UPP1: variants seen among roughly 807,000 people sequenced by gnomAD.
UPP1 encodes the protein UPase 1.
Under a neutral mutation model 29.6 loss-of-function variants are expected in UPP1, and 25 were observed. The observed-to-expected ratio is 0.85, with a 90% confidence interval of 0.62 to 1.18. UPP1 has a LOEUF of 1.18. Among genes scored for constraint, UPP1 ranks in the 50% most tolerant of loss-of-function variants. UPP1 has a pLI of 0.00. For missense variants in UPP1, 368 were observed against 410.4 expected (o/e 0.90, Z 0.89); for synonymous variants, 165 against 159.8 (o/e 1.03, Z -0.25).
chr7:48,094,953 T>C (rs1792047856), intron 3 of UPP1, 126 bp downstream of exon 3: 1 of 1,189,852 alleles, frequency 8.4e-7, no homozygotes, highest in South Asian at 1.4e-5. Flanking sequence ...TGAAAGAGAC[T>C]GAGGCCTGGA....
intron 3 of UPP1, among the ~76,000 whole-genome samples, chr7:48,095,311 T>C (rs1792070186): frequency 6.6e-6 from 1 of 152,174 alleles, no homozygotes; most frequent in Non-Finnish European, 1.5e-5. Context: ...TTTAATCCGC[T>C]GATTATTCTT....
intron 3 of UPP1, among the ~76,000 whole-genome samples, chr7:48,098,132 C>A (rs963453213): frequency 6.6e-6 from 1 of 152,164 alleles, no homozygotes; most frequent in Non-Finnish European, 1.5e-5. Flanking sequence ...AGCCCCCTGT[C>A]CCCTTATACA....
At position 48,103,854 on chromosome 7, in the gene UPP1, TC is replaced by T. The variant is rs956782150; in HGVS notation, c.436+444del. ...GGAAGAGAGAGGCGCAGTACAAAAC[TC>T]AGATAAGTGTCCTTAAATTAGCTTA... is the stretch of plus-strand genomic sequence containing the variant. On this transcript the variant is annotated intron_variant, in intron 6 of 8. Coordinates refer to ENST00000395564, the MANE Select transcript of UPP1 (RefSeq NM_003364.4). 5 of 1,289,336 alleles carry T rather than the reference TC, an allele frequency of 3.9e-6. No individual in the cohort carries two copies. The African/African-American group carries it at 6.1e-5, about 16-fold the overall frequency. 79.9% of individuals were successfully genotyped at this position (1,289,336 alleles called of 1,614,324 possible).
chr7:48,097,426 G>A (rs1013288638), intron 3 of UPP1, among the ~76,000 whole-genome samples: 1 of 151,956 alleles, frequency 6.6e-6, no homozygotes, highest in African/African-American at 2.4e-5. Flanking sequence ...TAGAGTCAGG[G>A]TTTCACCATG....
Position 48,099,727 on chromosome 7 carries a change from C to T in UPP1, c.102C>T (p.Leu34=), listed in dbSNP as rs767849996. 2 of 1,614,010 alleles carry T rather than the reference C, an allele frequency of 1.2e-6. No homozygotes were observed. Among genetic ancestry groups the T allele is most frequent in the Non-Finnish European group, 1.7e-6 (2 of 1,179,880 alleles). Residue 34 remains leucine (L), a synonymous_variant, in exon 4 of 9, where the codon CTC becomes CTT. Transcript: ENST00000395564. The part of the protein sequence containing the change: ...PNIAKMKEDI[L]YHFNLTTSRH... Reference sequence around the variant, plus strand: ...TAGCAAAAATGAAAGAAGATATTCTCTATCATTTCAATCTCACCACTAGCA... The same window carrying T: ...TAGCAAAAATGAAAGAAGATATTCTTTATCATTTCAATCTCACCACTAGCA...
intron 6 of UPP1, chr7:48,104,871 T>G (rs1792643297): frequency 1.3e-5 from 2 of 152,244 alleles, no homozygotes. Flanking sequence ...GAGTGATTTT[T>G]AAAACAATGA....
At chr7:48,106,756 G>A (rs1432556160) in intron 6 of UPP1, 117 bp from the exon 7 acceptor site, 2 of 873,066 alleles carry the variant, frequency 2.3e-6, no homozygotes, top group Non-Finnish European at 3.6e-6. Context: ...GTGTTTGGAT[G>A]TGTGGGTGGA....
chr7:48,094,096 G>A (rs1447000492), intron 2 of UPP1, among the ~76,000 whole-genome samples: 1 of 152,098 alleles, frequency 6.6e-6, no homozygotes, highest in Non-Finnish European at 1.5e-5. Context: ...GGAGGCGGAG[G>A]TTGCAGTGAG....
chr7:48,101,766 C>G (rs1172201097), intron 4 of UPP1, 58 bp from the exon 5 acceptor site: 2 of 1,560,490 alleles, frequency 1.3e-6, no homozygotes, highest in Non-Finnish European at 8.7e-7. Context: ...AGGGGCCCCA[C>G]TTGAGGACCT....
chr7:48,090,556 T>A (rs1195524351), intron 2 of UPP1, among the ~76,000 whole-genome samples, 192 bp downstream of exon 2: 2 of 152,112 alleles, frequency 1.3e-5, no homozygotes, highest in Admixed American at 1.3e-4. Flanking sequence ...CTTCCTGGGG[T>A]CTTCTGGTTA....
intron 8 of UPP1, 82 bp downstream of exon 8, chr7:48,107,589 C>A: frequency 4.1e-6 from 6 of 1,471,822 alleles, no homozygotes; most frequent in Non-Finnish European, 5.5e-6. Flanking sequence ...GGCCCCTCCT[C>A]CTGGGGCACC....
rs1411079906 is a variant in UPP1, at chr7:48,107,512, G to A, written c.793+5G>A. On this transcript the variant is annotated splice_donor_5th_base_variant and intron_variant, in intron 8 of 8. Transcript: ENST00000395564. ...GCAGCGCCTGCGGCCTCCAAGGTAA[G>A]CGGCACTTGATGGGCCTCGGCGTCC... 7 of 1,602,250 alleles carry A rather than the reference G, an allele frequency of 4.4e-6. No homozygotes were observed. The highest frequency in any genetic ancestry group is 3.4e-5 in the Admixed American group (2 of 59,440).
At chr7:48,101,401 C>T (rs1792411650) in intron 4 of UPP1, among the ~76,000 whole-genome samples, 1 of 152,188 alleles carries the variant, frequency 6.6e-6, no homozygotes, top group African/African-American at 2.4e-5. Flanking sequence ...ACTCAAGTAA[C>T]CAGGCGAGAG....
At chr7:48,099,365 C>T (rs1358993034) in intron 3 of UPP1, among the ~76,000 whole-genome samples, 5 of 152,154 alleles carry the variant, frequency 3.3e-5, no homozygotes. Context: ...GCTATACTCC[C>T]TACTCCTTGT....
chr7:48,094,899 C>T (rs1792044545), intron 3 of UPP1, 72 bp downstream of exon 3: 1 of 1,540,076 alleles, frequency 6.5e-7, no homozygotes, highest in Non-Finnish European at 8.9e-7. Flanking sequence ...TTGTGCCACA[C>T]ATTTTTCTAA....
At chr7:48,103,037 C>T (rs1226848073) in intron 5 of UPP1, among the ~76,000 whole-genome samples, 1 of 152,174 alleles carries the variant, frequency 6.6e-6, no homozygotes, top group African/African-American at 2.4e-5. Context: ...ACTGCTGCTT[C>T]CCTGCTGAGC....
chr7:48,107,670 A>G (rs1370239808), intron 8 of UPP1, among the ~76,000 whole-genome samples, 163 bp downstream of exon 8: 1 of 152,180 alleles, frequency 6.6e-6, no homozygotes, highest in Non-Finnish European at 1.5e-5. Flanking sequence ...TGTCACCACA[A>G]TGCTGTTCAA....
intron 6 of UPP1, chr7:48,106,643 AT>A: frequency 2.0e-6 from 1 of 501,316 alleles, no homozygotes; most frequent in Non-Finnish European, 3.6e-6. Context: ...TTTCTCTTCC[AT>A]AGTGTCCATA....
chr7:48,104,250 C>T (rs534396180), intron 6 of UPP1, among the ~76,000 whole-genome samples: 1 of 152,030 alleles, frequency 6.6e-6, no homozygotes, highest in African/African-American at 2.4e-5. Context: ...AAACAAAAAC[C>T]CCCACAAACA....
Sources: allele counts gnomAD v4.1 joint callset (sites outside exome capture counted in the v4.1 genomes callset), GRCh38; gene constraint gnomAD v4.1.1; transcripts MANE v1.5; gene names NCBI Gene and HGNC (gene_info 2026-07-23, HGNC 2026-07-21).